Variants in ADAMTS17 observed in about 807,000 individuals in gnomAD.
ADAMTS17 encodes A disintegrin and metalloproteinase with thrombospondin motifs 17.
Under a neutral mutation model 141.5 loss-of-function variants are expected in ADAMTS17, and 113 were observed. The ratio of observed to expected loss-of-function variants is 0.80; its 90% CI spans 0.69 to 0.93. The LOEUF (loss-of-function observed/expected upper bound fraction) is 0.93. ADAMTS17 is among the 40% of genes least tolerant of loss of function. The pLI is 0.00. For missense variants in ADAMTS17, 1,659 were observed against 1,517.9 expected, an observed-to-expected ratio of 1.09 and a Z score of -1.54; for synonymous variants, 768 against 630.6, an observed-to-expected ratio of 1.22 and a Z score of -3.27.
At chr15:100,308,785 G>T (rs2045310840) in intron 3 of ADAMTS17, among the ~76,000 whole-genome samples, 1 of 152,144 alleles carries the variant, frequency 6.6e-6, no homozygotes, top group Non-Finnish European at 1.5e-5. Flanking sequence ...CTAAGCAGCA[G>T]GAAAGGCCAC....
At chr15:100,337,992 T>G (rs1411203237) in intron 2 of ADAMTS17, among the ~76,000 whole-genome samples, 1 of 152,172 alleles carries the variant, frequency 6.6e-6, no homozygotes, top group Non-Finnish European at 1.5e-5. Context: ...ACACCTGAAG[T>G]TCATGCTTTG....
intron 3 of ADAMTS17, among the ~76,000 whole-genome samples, chr15:100,292,772 T>TCA (rs1281430900): frequency 6.6e-6 from 1 of 152,216 alleles, no homozygotes; most frequent in Non-Finnish European, 1.5e-5. Flanking sequence ...TTATCACCAT[T>TCA]CATTCTGCCC....
At position 100,155,175 on chromosome 15, in the gene ADAMTS17, C is replaced by T. The variant is rs772131551; in HGVS notation, c.1322+5G>A. On this transcript the variant is annotated splice_donor_5th_base_variant and intron_variant, in intron 9 of 21. Coordinates refer to ENST00000268070, the MANE Select transcript of ADAMTS17 (RefSeq NM_139057.4). ...TTCATCCTATAGAATAATTCCAGGA[C>T]TTACTTGAGGAAGTTTTCAAGGTCA... The T allele has an allele frequency of 3.1e-6, 5 of 1,614,198 alleles. No homozygotes were observed. Among genetic ancestry groups the T allele is most frequent in the Admixed American group, 1.7e-5 (1 of 60,032 alleles).
chr15:100,006,510 A>T (rs2061038939), intron 18 of ADAMTS17, among the ~76,000 whole-genome samples: 2 of 152,338 alleles, frequency 1.3e-5, no homozygotes, highest in South Asian at 4.1e-4. Flanking sequence ...TTTATGTTGA[A>T]TATAGAGGGA....
At chr15:100,265,581 GA>G (rs1186124063) in intron 4 of ADAMTS17, among the ~76,000 whole-genome samples, 3 of 152,214 alleles carry the variant, frequency 2.0e-5, no homozygotes, top group Non-Finnish European at 4.4e-5. Flanking sequence ...CACAGCAAGG[GA>G]GGGGCAGACA....
chr15:99,987,548 C>T (rs1022637075), intron 20 of ADAMTS17, among the ~76,000 whole-genome samples: 1 of 152,156 alleles, frequency 6.6e-6, no homozygotes, highest in Non-Finnish European at 1.5e-5. Context: ...GGCAGTGGAA[C>T]CCATGGGTGC....
chr15:100,159,467 A>G (rs1394592028), intron 8 of ADAMTS17, among the ~76,000 whole-genome samples: 1 of 152,248 alleles, frequency 6.6e-6, no homozygotes, highest in Non-Finnish European at 1.5e-5. Flanking sequence ...AAAGTCAACT[A>G]TCTTAAATTT....
At position 100,336,909 on chromosome 15, in the gene ADAMTS17, G is replaced by A. The variant is rs116634263; in HGVS notation, c.450+4130C>T. 2.9e-3 allele frequency among the ~76,000 whole-genome samples: 447 copies of A among 152,282 alleles called. 4 individuals carry two copies. The highest frequency in any genetic ancestry group is 0.01 in the African/African-American group (422 of 41,556). The stretch of plus-strand genomic sequence containing the variant: ...AGCTGCCTACTCATCAGCTGGCTGA[G>A]CTCACCCAGGCTGGAGTGCATTGGC... On this transcript the variant is annotated intron_variant, in intron 2 of 21. Transcript: ENST00000268070.
intron 7 of ADAMTS17, among the ~76,000 whole-genome samples, chr15:100,222,634 T>C (rs574829188): frequency 6.6e-6 from 1 of 152,306 alleles, no homozygotes; most frequent in Non-Finnish European, 1.5e-5. Flanking sequence ...CCTGGAGGGC[T>C]GGACTTCTCC....
intron 8 of ADAMTS17, among the ~76,000 whole-genome samples, chr15:100,195,739 T>G (rs2041092807): frequency 6.6e-6 from 1 of 151,798 alleles, no homozygotes; most frequent in Admixed American, 6.6e-5. Flanking sequence ...TTGTCCTTGG[T>G]CAGCCAGCAG....
chr15:100,134,549 G>T (rs1382317237), intron 10 of ADAMTS17, among the ~76,000 whole-genome samples: 1 of 152,218 alleles, frequency 6.6e-6, no homozygotes, highest in African/African-American at 2.4e-5. Flanking sequence ...CTGGTGCAGG[G>T]TGGTCACCGT....
chr15:100,027,691 C>T (rs571430849), intron 18 of ADAMTS17, among the ~76,000 whole-genome samples: 1 of 152,220 alleles, frequency 6.6e-6, no homozygotes, highest in African/African-American at 2.4e-5. Flanking sequence ...TTTGCTGATT[C>T]CTGCTCCGGT....
At position 100,106,821 on chromosome 15, in the gene ADAMTS17, T is replaced by C. The variant is rs147777773; in HGVS notation, c.2016+2168A>G. Among the ~76,000 whole-genome samples the C allele has an allele frequency of 5.3e-5, 8 of 152,306 alleles. No individual in the cohort carries two copies. In the East Asian group the frequency reaches 1.5e-3, roughly 29 times the overall value. On this transcript the variant is annotated intron_variant, in intron 14 of 21. Transcript: ENST00000268070. ...CTGGTTAGAAGTTTACCAAGAACCA[T>C]CGGCGATGCCTCATTTCAGTAACAA...
intron 18 of ADAMTS17, among the ~76,000 whole-genome samples, chr15:100,046,875 T>G (rs951007063): frequency 4.6e-5 from 7 of 152,278 alleles, no homozygotes; most frequent in Middle Eastern, 3.4e-3. Context: ...TCTGGGCACC[T>G]TGAAAAAAGA....
chr15:100,087,042 T>C (rs28769920), intron 15 of ADAMTS17, among the ~76,000 whole-genome samples: 49,807 of 151,838 alleles, frequency 0.33, 10,467 homozygotes, highest in East Asian at 0.58. Context: ...AAAAAATCAA[T>C]GAATCCAGGA....
Position 100,054,198 on chromosome 15 carries a change from G to A in ADAMTS17, c.2138-144C>T, listed in dbSNP as rs116124763. Reference sequence around the variant, plus strand: ...GGAGGGAGGCCTGAAGCGAGAGAAGGCGAGTGCTCTGTATACTGAGAACAA... The same window carrying A: ...GGAGGGAGGCCTGAAGCGAGAGAAGACGAGTGCTCTGTATACTGAGAACAA... On this transcript the variant is annotated intron_variant, in intron 15 of 21. Coordinates refer to ENST00000268070, the MANE Select transcript of ADAMTS17 (RefSeq NM_139057.4). 3.4e-4 allele frequency: 313 copies of A among 932,198 alleles called. 1 individual carries two copies. The African/African-American group carries it at 4.5e-3, about 13-fold the overall frequency. 57.7% of individuals were successfully genotyped at this position (932,198 alleles called of 1,614,324 possible). A position where few individuals can be genotyped will look rare whatever the true frequency, so the allele number is the denominator to read the frequency against.
intron 4 of ADAMTS17, among the ~76,000 whole-genome samples, chr15:100,267,965 A>C (rs1567458937): frequency 6.6e-6 from 1 of 152,170 alleles, no homozygotes; most frequent in African/African-American, 2.4e-5. Flanking sequence ...TAACTTATCC[A>C]TTTTTGTAAC....
intron 3 of ADAMTS17, among the ~76,000 whole-genome samples, chr15:100,301,627 A>G (rs1015323788): frequency 6.6e-6 from 1 of 151,574 alleles, no homozygotes; most frequent in Non-Finnish European, 1.5e-5. Context: ...CACCACGCCC[A>G]GCTTATGTAA....
intron 8 of ADAMTS17, 49 bp downstream of exon 8, chr15:100,199,269 C>A: frequency 2.6e-6 from 4 of 1,539,532 alleles, no homozygotes; most frequent in Non-Finnish European, 3.6e-6. Flanking sequence ...AAAATCTGCA[C>A]TCAAAAAGGA....
Sources: gnomAD v4.1 joint callset for allele counts (sites outside exome capture counted in the v4.1 genomes callset) on GRCh38, gnomAD v4.1.1 for gene constraint, MANE v1.5 for transcripts, NCBI Gene and HGNC (gene_info 2026-07-23, HGNC 2026-07-21) for gene names.